Variants in COL8A1 observed in about 807,000 individuals in gnomAD.
COL8A1 encodes the protein collagen type VIII alpha 1 chain.
COL8A1 carries 21 observed loss-of-function variants against 42.7 expected under a neutral mutation model. The ratio of observed to expected loss-of-function variants is 0.49; its 90% CI spans 0.35 to 0.71. The LOEUF is 0.71. Ranked by LOEUF, COL8A1 falls within the 30% of genes least tolerant of loss-of-function variation. The probability of loss-of-function intolerance (pLI) is 0.01; values close to 1 mark genes in which losing one functional copy is unlikely to be tolerated. For synonymous variants in COL8A1, 367 were observed against 369.1 expected (o/e 0.99, Z 0.06); for missense variants, 788 against 962.4 (o/e 0.82, Z 2.40).
chr3:99,766,210 A>T (rs2107431968), intron 2 of COL8A1, among the ~76,000 whole-genome samples: 1 of 152,222 alleles, frequency 6.6e-6, no homozygotes, highest in Non-Finnish European at 1.5e-5. Flanking sequence ...CCCCATAGGG[A>T]TTATTATTCC....
chr3:99,716,788 G>A (rs573665678), intron 1 of COL8A1, among the ~76,000 whole-genome samples: 1 of 152,046 alleles, frequency 6.6e-6, no homozygotes, highest in African/African-American at 2.4e-5. Context: ...CTTGCTGTTT[G>A]CTCCTTTTTT....
intron 1 of COL8A1, among the ~76,000 whole-genome samples, chr3:99,738,942 G>A (rs1289207679): frequency 6.6e-6 from 1 of 152,268 alleles, no homozygotes; most frequent in Admixed American, 6.5e-5. Flanking sequence ...CGTTTTTTAA[G>A]CCCGTCAGAA....
chr3:99,762,165 G>A (rs1374413812), intron 2 of COL8A1, among the ~76,000 whole-genome samples: 3 of 152,104 alleles, frequency 2.0e-5, no homozygotes, highest in East Asian at 1.9e-4. Flanking sequence ...GATAGTCATC[G>A]CTGGTATTTT....
intron 1 of COL8A1, among the ~76,000 whole-genome samples, chr3:99,730,352 A>G (rs1940465366): frequency 2.0e-5 from 3 of 152,126 alleles, no homozygotes; most frequent in Non-Finnish European, 2.9e-5. Context: ...GTTGAAATGC[A>G]TATCAAAACT....
At chr3:99,733,135 A>T (rs1188127761) in intron 1 of COL8A1, among the ~76,000 whole-genome samples, 297 of 128,754 alleles carry the variant, frequency 2.3e-3, no homozygotes, top group African/African-American at 7.9e-3. Flanking sequence ...TTTTTTTTTT[A>T]AACTTTCTTT....
intron 2 of COL8A1, among the ~76,000 whole-genome samples, chr3:99,749,964 ATGAGT>A: frequency 6.6e-6 from 1 of 151,694 alleles, no homozygotes; most frequent in Non-Finnish European, 1.5e-5. Flanking sequence ...AAAATTATGC[ATGAGT>A]TAACTATATA....
At chr3:99,657,595 G>A (rs755032043) in intron 1 of COL8A1, among the ~76,000 whole-genome samples, 6 of 152,012 alleles carry the variant, frequency 3.9e-5, no homozygotes, top group East Asian at 1.9e-4. Context: ...TTCTCCCCGC[G>A]AGGATGAAAC....
chr3:99,757,624 G>A (rs965523635), intron 2 of COL8A1, among the ~76,000 whole-genome samples: 5 of 152,086 alleles, frequency 3.3e-5, no homozygotes, highest in African/African-American at 1.2e-4. Context: ...ACCTTTATCA[G>A]TTCTGACCTC....
chr3:99,732,703 C>A (rs1284854408), intron 1 of COL8A1, among the ~76,000 whole-genome samples: 1 of 152,052 alleles, frequency 6.6e-6, no homozygotes, highest in African/African-American at 2.4e-5. Context: ...AATCTCATGT[C>A]CTCACATTTC....
At position 99,790,775 on chromosome 3, in the gene COL8A1, T is replaced by C; in HGVS notation, c.93T>C (p.Tyr31=). The change falls in exon 3 of 4, where the codon TAT becomes TAC. Residue 31 remains tyrosine, a synonymous_variant. Coordinates refer to ENST00000652472, the MANE Select transcript of COL8A1 (RefSeq NM_020351.4). ...SIRLIQAGAY[Y]GIKPLPPQIP... ...GGCTCATTCAGGCTGGTGCCTACTATGGGATCAAGCCGCTGCCACCTCAAA... is the reference window on the plus strand; with the variant it reads ...GGCTCATTCAGGCTGGTGCCTACTACGGGATCAAGCCGCTGCCACCTCAAA... The C allele has an allele frequency of 1.2e-6, 2 of 1,614,184 alleles. No individual in the cohort carries two copies. Among genetic ancestry groups the C allele is most frequent in the Non-Finnish European group, 1.7e-6 (2 of 1,180,034 alleles).
chr3:99,655,720 G>C (rs984810876), intron 1 of COL8A1, among the ~76,000 whole-genome samples: 2 of 152,166 alleles, frequency 1.3e-5, no homozygotes, highest in Non-Finnish European at 2.9e-5. Context: ...AAAAGACAAT[G>C]GTCATTAAGG....
rs117574100 is a variant in COL8A1 at position 99,777,867 on chromosome 3, A to G, written c.-3-12813A>G. ...TTAATTCATCCTGAAGAGAACTCTC[A>G]AAGAGTTTTATTGCTACATAAGGGA... is the stretch of plus-strand genomic sequence containing the variant. On this transcript the variant is annotated intron_variant, in intron 2 of 3. Coordinates refer to ENST00000652472, the MANE Select transcript of COL8A1 (RefSeq NM_020351.4). Among the ~76,000 whole-genome samples the G allele has an allele frequency of 5.3e-5, 8 of 152,348 alleles. No homozygotes were observed. In the East Asian group the frequency reaches 1.5e-3, roughly 29 times the overall value.
Position 99,794,467 on chromosome 3 carries a change from C to T in COL8A1, c.566C>T (p.Pro189Leu), listed in dbSNP as rs755701778. 9 of 1,614,070 alleles carry T rather than the reference C, an allele frequency of 5.6e-6. No homozygotes were observed. The highest frequency in any genetic ancestry group is 1.6e-4 in the Middle Eastern group (1 of 6,062). Residue 189 changes from proline (P) to leucine (L), a missense_variant, in exon 4 of 4, where the codon CCT becomes CTT. Pro to Leu is a moderately conservative substitution (Grantham distance 98). Around this residue, in one of 4 missense-constraint regions of COL8A1, gnomAD observed 421 missense variants for 553.1 expected, o/e 0.76. Transcript: ENST00000652472. The surrounding 1 kb of genome is among the most constrained non-coding windows in gnomAD (Gnocchi z 4.3). ...ATTGGACAGAAAGGGGAAATTGGGC[C>T]TATGGGGATCCCAGGACCACAAGGA... Reference protein sequence around the residue: ...GEIGQKGEIGPMGIPGPQGPP... With the variant: ...GEIGQKGEIGLMGIPGPQGPP...
At chr3:99,659,139 T>A (rs1938121441) in intron 1 of COL8A1, among the ~76,000 whole-genome samples, 1 of 152,196 alleles carries the variant, frequency 6.6e-6, no homozygotes. Flanking sequence ...TTCAGCCCTG[T>A]GAGCCCCCAG....
chr3:99,696,020 G>A (rs1367315921), intron 1 of COL8A1, among the ~76,000 whole-genome samples: 2 of 152,170 alleles, frequency 1.3e-5, no homozygotes, highest in Non-Finnish European at 2.9e-5. Flanking sequence ...TGTAATCCCA[G>A]CTACTCAGGA....
At chr3:99,778,632 C>G (rs1372043802) in intron 2 of COL8A1, among the ~76,000 whole-genome samples, 1 of 151,606 alleles carries the variant, frequency 6.6e-6, no homozygotes, top group Admixed American at 6.6e-5. Flanking sequence ...AAAAAAGGCA[C>G]TCTTTATTAA....
In COL8A1 at chr3:99,717,703, T is replaced by C. The variant is rs544711239; in HGVS notation, c.-128-27194T>C. Among the ~76,000 whole-genome samples the C allele has an allele frequency of 1.1e-4, 16 of 152,048 alleles. No individual in the cohort carries two copies. In the South Asian group the frequency reaches 3.1e-3, roughly 30 times the overall value. On this transcript the variant is annotated intron_variant, in intron 1 of 3. Transcript: ENST00000652472. ...CCAAACCCCAATTAGGTATATAACT[T>C]AAAACCTCTCTTACTCTAGTGATGG...
intron 1 of COL8A1, among the ~76,000 whole-genome samples, chr3:99,663,144 AAAT>A (rs936558289): frequency 6.6e-6 from 1 of 152,178 alleles, no homozygotes; most frequent in Non-Finnish European, 1.5e-5. Flanking sequence ...TACTTTAAAA[AAAT>A]AATGTTTTTA....
chr3:99,793,203 T>C lies in COL8A1; in HGVS notation c.329-1027T>C, dbSNP rs530252510. 1.1e-4 allele frequency among the ~76,000 whole-genome samples: 16 copies of C among 152,322 alleles called. No homozygotes were observed. In the South Asian group the frequency reaches 2.1e-3, roughly 20 times the overall value. On this transcript the variant is annotated intron_variant, in intron 3 of 3. Coordinates refer to ENST00000652472, the MANE Select transcript of COL8A1 (RefSeq NM_020351.4). ...CAGGAGAAATAAGTTGTTTTTTGGA[T>C]ATCTATTGCATAGAATAGCGAGTAT...
Sources: allele counts gnomAD v4.1 joint callset (sites outside exome capture counted in the v4.1 genomes callset), GRCh38; gene constraint gnomAD v4.1.1; regional missense constraint gnomAD v4.1.1; non-coding constraint Gnocchi (gnomAD v3.1); transcripts MANE v1.5; gene names NCBI Gene and HGNC (gene_info 2026-07-23, HGNC 2026-07-21).